The following RAD51B variants were observed in gnomAD, a reference collection of about 807,000 sequenced individuals.
RAD51B encodes the protein RAD51 paralog B.
RAD51B carries 38 observed loss-of-function variants against 42.2 expected under a neutral mutation model. That is an observed-to-expected ratio of 0.90 (90% CI 0.70 to 1.18). The LOEUF (loss-of-function observed/expected upper bound fraction) is 1.18, where lower values mean the gene tolerates loss of function less well. Among genes scored for constraint, RAD51B ranks in the 50% most tolerant of loss-of-function variants. The pLI is 0.00. For missense variants in RAD51B, 373 were observed against 400.7 expected, an observed-to-expected ratio of 0.93 and a Z score of 0.59; for synonymous variants, 154 against 145.2, an observed-to-expected ratio of 1.06 and a Z score of -0.43.
intron 7 of RAD51B, among the ~76,000 whole-genome samples, chr14:68,072,210 T>TATATATATA (rs2076762885): frequency 5.1e-5 from 7 of 136,876 alleles, no homozygotes; most frequent in African/African-American, 2.0e-4. Context: ...TTTCTAGGTT[T>TATATATATA]TATATATATA....
At chr14:68,348,468 T>C (rs1392841037) in intron 8 of RAD51B, among the ~76,000 whole-genome samples, 1 of 152,260 alleles carries the variant, frequency 6.6e-6, no homozygotes, top group African/African-American at 2.4e-5. Flanking sequence ...AAATGGTTTA[T>C]GCAAGACTTG....
chr14:68,053,045 A>G (rs1278596517), intron 7 of RAD51B, among the ~76,000 whole-genome samples: 1 of 152,144 alleles, frequency 6.6e-6, no homozygotes, highest in Non-Finnish European at 1.5e-5. Flanking sequence ...CGCAAACTTG[A>G]TCTTCATCTG....
chr14:68,342,386 G>A (rs905340182), intron 8 of RAD51B, among the ~76,000 whole-genome samples: 3 of 152,310 alleles, frequency 2.0e-5, no homozygotes, highest in South Asian at 4.1e-4. Context: ...CTTCTTCACT[G>A]TTCCTCCTTA....
At chr14:68,632,942 A>G (rs1226127119) in intron 10 of RAD51B, among the ~76,000 whole-genome samples, 1 of 118,720 alleles carries the variant, frequency 8.4e-6, no homozygotes, top group Non-Finnish European at 1.8e-5. Flanking sequence ...TGCCCAGCTA[A>G]TTTTTTCTTT....
chr14:68,605,315 A>C (rs572318361), intron 10 of RAD51B, among the ~76,000 whole-genome samples: 1 of 152,358 alleles, frequency 6.6e-6, no homozygotes, highest in South Asian at 2.1e-4. Context: ...ACATAAATTT[A>C]ATTCTCTCAG....
intron 8 of RAD51B, among the ~76,000 whole-genome samples, chr14:68,347,250 C>G (rs2082694265): frequency 6.6e-6 from 1 of 152,188 alleles, no homozygotes; most frequent in South Asian, 2.1e-4. Context: ...TGACTAAATG[C>G]ATATTTACCT....
At chr14:68,309,303 G>A (rs2081926048) in intron 8 of RAD51B, among the ~76,000 whole-genome samples, 1 of 152,132 alleles carries the variant, frequency 6.6e-6, no homozygotes, top group African/African-American at 2.4e-5. Flanking sequence ...GTGGATGTCT[G>A]TTACCCACTT....
chr14:67,863,306 A>G (rs2139984510), intron 4 of RAD51B, among the ~76,000 whole-genome samples: 1 of 152,078 alleles, frequency 6.6e-6, no homozygotes, highest in South Asian at 2.1e-4. Context: ...TGATAAATGA[A>G]GTTTACCTTT....
At chr14:68,522,704 A>G (rs1448698580) in intron 10 of RAD51B, among the ~76,000 whole-genome samples, 1 of 152,210 alleles carries the variant, frequency 6.6e-6, no homozygotes, top group Non-Finnish European at 1.5e-5. Flanking sequence ...TAGAAGAGAA[A>G]AGCAAAACAA....
intron 7 of RAD51B, among the ~76,000 whole-genome samples, chr14:68,167,562 A>G (rs1190917035): frequency 6.6e-6 from 1 of 152,114 alleles, no homozygotes; most frequent in Non-Finnish European, 1.5e-5. Context: ...TAGTGGGTGG[A>G]GTAAAATTCT....
intron 7 of RAD51B, chr14:68,000,394 A>G (rs971346949): frequency 2.0e-5 from 3 of 152,170 alleles, no homozygotes; most frequent in African/African-American, 7.2e-5. Flanking sequence ...TGACAGTACT[A>G]TAAAGACTTT....
At chr14:67,950,033 A>G (rs2140204008) in intron 7 of RAD51B, among the ~76,000 whole-genome samples, 1 of 152,206 alleles carries the variant, frequency 6.6e-6, no homozygotes, top group East Asian at 1.9e-4. Context: ...GGCCGAGTAG[A>G]TTTAGCATAA....
At chr14:68,563,081 A>G (rs964427725) in intron 10 of RAD51B, 114 of 985,340 alleles carry the variant, frequency 1.2e-4, no homozygotes, top group Non-Finnish European at 1.4e-4. Context: ...GGCTGGCAGA[A>G]AAGCCTCCGT....
chr14:68,174,324 G>A (rs915979464), intron 7 of RAD51B, among the ~76,000 whole-genome samples: 1 of 151,318 alleles, frequency 6.6e-6, no homozygotes, highest in Non-Finnish European at 1.5e-5. Flanking sequence ...GTGTAGTGGA[G>A]CTATGATTGT....
intron 7 of RAD51B, among the ~76,000 whole-genome samples, chr14:68,226,686 T>C (rs979773821): frequency 6.6e-6 from 1 of 152,218 alleles, no homozygotes; most frequent in Non-Finnish European, 1.5e-5. Flanking sequence ...CCCTCGGGTA[T>C]GTCTTTATTA....
At chr14:68,067,547 A>G (rs2076673907) in intron 7 of RAD51B, among the ~76,000 whole-genome samples, 1 of 152,102 alleles carries the variant, frequency 6.6e-6, no homozygotes, top group Non-Finnish European at 1.5e-5. Context: ...ATTGAAAAGC[A>G]CACTGATACT....
chr14:67,878,994 G>A (rs754710607), intron 5 of RAD51B, among the ~76,000 whole-genome samples: 6 of 152,212 alleles, frequency 3.9e-5, no homozygotes, highest in Non-Finnish European at 7.3e-5. Context: ...GATTACAGGC[G>A]TGAGCCACTG....
intron 8 of RAD51B, among the ~76,000 whole-genome samples, chr14:68,293,571 C>T (rs748116272): frequency 2.0e-5 from 3 of 152,130 alleles, no homozygotes; most frequent in Non-Finnish European, 2.9e-5. Flanking sequence ...CCTGCCCCTC[C>T]CCACTCCCAG....
intron 7 of RAD51B, among the ~76,000 whole-genome samples, chr14:68,054,719 A>C (rs2076446212): frequency 6.6e-6 from 1 of 152,242 alleles, no homozygotes; most frequent in African/African-American, 2.4e-5. Flanking sequence ...TAGTGTAAAT[A>C]CTATCTTTAA....
Sources: gnomAD v4.1 joint callset for allele counts (sites outside exome capture counted in the v4.1 genomes callset) on GRCh38, gnomAD v4.1.1 for gene constraint, MANE v1.5 for transcripts, NCBI Gene and HGNC (gene_info 2026-07-23, HGNC 2026-07-21) for gene names.